Variants in ZFP37 observed in about 807,000 individuals in gnomAD.
The protein encoded by ZFP37 is zinc finger protein 37 homolog.
In ZFP37, 38 loss-of-function variants were observed where a neutral mutation model predicts 52.1. The ratio of observed to expected loss-of-function variants is 0.73; its 90% confidence interval spans 0.56 to 0.96. The LOEUF (loss-of-function observed/expected upper bound fraction) is 0.96. Among genes scored for constraint, ZFP37 ranks in the 40% least tolerant of loss-of-function variants. The pLI is 0.00. For missense variants in ZFP37, 695 were observed against 741.4 expected, an observed-to-expected ratio of 0.94 and a Z score of 0.73; for synonymous variants, 253 against 259.5, an observed-to-expected ratio of 0.98 and a Z score of 0.24.
rs1015893169 is a variant in ZFP37, at chr9:113,039,952, C to T, written c.*2773G>A. 4 of 152,200 alleles carry T rather than the reference C, an allele frequency of 2.6e-5. No homozygotes were observed. The highest frequency in any genetic ancestry group is 9.6e-5 in the African/African-American group (4 of 41,456). 9.4% of individuals were successfully genotyped at this position (152,200 alleles called of 1,614,324 possible). On this transcript the variant is annotated 3_prime_UTR_variant, in exon 4 of 4. Transcript: ENST00000374227. Reference sequence around the variant, plus strand: ...TTAAAATGCAAATTCTCAAGGCCCACCCACAGGGTTTCTGATCCAATATGT... The same window carrying T: ...TTAAAATGCAAATTCTCAAGGCCCATCCACAGGGTTTCTGATCCAATATGT...
intron 3 of ZFP37, among the ~76,000 whole-genome samples, chr9:113,048,563 A>G (rs922470821): frequency 3.3e-5 from 5 of 152,150 alleles, no homozygotes; most frequent in Non-Finnish European, 5.9e-5. Flanking sequence ...GAGCACAGGA[A>G]TAAGGATATG....
intron 3 of ZFP37, among the ~76,000 whole-genome samples, chr9:113,047,936 T>C (rs986299473): frequency 6.6e-6 from 1 of 152,220 alleles, no homozygotes; most frequent in African/African-American, 2.4e-5. Flanking sequence ...GTAGAATAAA[T>C]AGCTTTTATT....
chr9:113,038,718 G>C lies in ZFP37; in HGVS notation c.*4007C>G, dbSNP rs1473284536. 6.6e-6 allele frequency: 1 copy of C among 152,040 alleles called. No homozygotes were observed. The highest frequency in any genetic ancestry group is 2.4e-5 in the African/African-American group (1 of 41,410). The allele number at this position is 152,040 out of a possible 1,614,324, so 9.4% of individuals were successfully genotyped here. Reference sequence around the variant, plus strand: ...GGAGTGCTTAAGCCTGGGAGGTAGAGATTGTAATGAGCCAAGATTGCACTA... The same window carrying C: ...GGAGTGCTTAAGCCTGGGAGGTAGACATTGTAATGAGCCAAGATTGCACTA... On this transcript the variant is annotated 3_prime_UTR_variant, in exon 4 of 4. Coordinates refer to ENST00000374227, the MANE Select transcript of ZFP37 (RefSeq NM_003408.3).
In ZFP37 at chr9:113,043,369, T is replaced by C. The variant is rs1194478993; in HGVS notation, c.1249A>G (p.Asn417Asp). 4 of 1,614,146 alleles carry C rather than the reference T, an allele frequency of 2.5e-6. No individual in the cohort carries two copies. In the Admixed American group the frequency reaches 6.7e-5, roughly 27 times the overall value. ...CTCACATGTTCGGTAAGAGATGAGT[T>C]ATACCTAAAAGACTTCCCACATTCC... Reference protein sequence around the residue: ...CKECGKSFRYNSSLTEHVRTH... With the variant: ...CKECGKSFRYDSSLTEHVRTH... The change falls in exon 4 of 4, where the codon AAC becomes GAC. Residue 417 changes from asparagine (N) to aspartate (D), a missense_variant. This residue lies in a region of ZFP37 where 326 missense variants were observed against 400.5 expected (regional missense o/e 0.81). Coordinates refer to ENST00000374227, the MANE Select transcript of ZFP37 (RefSeq NM_003408.3).
rs1341951800 is a variant in ZFP37 at position 113,042,909 on chromosome 9, T to G, written c.1709A>C (p.Glu570Ala). The change falls in exon 4 of 4, where the codon GAG (glutamate) becomes GCG (alanine). Residue 570 changes from glutamate to alanine, a missense_variant. Physicochemically the swap from Glu to Ala is moderately radical, Grantham distance 107. This residue lies in a region of ZFP37 where 326 missense variants were observed against 400.5 expected (regional missense o/e 0.81). Coordinates refer to ENST00000374227, the MANE Select transcript of ZFP37 (RefSeq NM_003408.3). ...ACATTCGTTACATTCATAAGGTTTCTCCCCAGTATGAGTTCTCTGATGTAC... is the reference window on the plus strand; with the variant it reads ...ACATTCGTTACATTCATAAGGTTTCGCCCCAGTATGAGTTCTCTGATGTAC... Reference protein sequence around the residue: ...LIVHQRTHTGEKPYECNECEK... With the variant: ...LIVHQRTHTGAKPYECNECEK... The G allele has an allele frequency of 3.7e-6, 6 of 1,613,794 alleles. No homozygotes were observed. Among genetic ancestry groups the G allele is most frequent in the Middle Eastern group, 1.6e-4 (1 of 6,068 alleles).
rs774631785 is a variant in ZFP37, at chr9:113,042,914, A to C, written c.1704T>G (p.Thr568=). ...SHLIVHQRTH[T]GEKPYECNEC... Reference sequence around the variant, plus strand: ...CGTTACATTCATAAGGTTTCTCCCCAGTATGAGTTCTCTGATGTACAATGA... The same window carrying C: ...CGTTACATTCATAAGGTTTCTCCCCCGTATGAGTTCTCTGATGTACAATGA... The change falls in exon 4 of 4, where the codon ACT becomes ACG. Residue 568 remains threonine, a synonymous_variant. Coordinates refer to ENST00000374227, the MANE Select transcript of ZFP37 (RefSeq NM_003408.3). 4 of 1,613,892 alleles carry C rather than the reference A, an allele frequency of 2.5e-6. No homozygotes were observed. The highest frequency in any genetic ancestry group is 3.3e-5 in the Admixed American group (2 of 60,010).
chr9:113,047,873 A>G (rs570443815), intron 3 of ZFP37, among the ~76,000 whole-genome samples: 2 of 152,356 alleles, frequency 1.3e-5, no homozygotes, highest in Admixed American at 1.3e-4. Context: ...TAAGTAGGTC[A>G]AATATGAGTA....
intron 1 of ZFP37, among the ~76,000 whole-genome samples, chr9:113,051,208 T>C (rs1047640707): frequency 4.6e-5 from 7 of 152,094 alleles, no homozygotes; most frequent in Non-Finnish European, 1.0e-4. Context: ...CTTGTACAAC[T>C]GTTATGAAAG....
Position 113,039,933 on chromosome 9 carries a change from T to C in ZFP37, c.*2792A>G, listed in dbSNP as rs1165056917. On this transcript the variant is annotated 3_prime_UTR_variant, in exon 4 of 4. Transcript: ENST00000374227. ...GGAATCCACTGGAAACTTATTAAAA[T>C]GCAAATTCTCAAGGCCCACCCACAG... 1 of 152,212 alleles carries C rather than the reference T, an allele frequency of 6.6e-6. No individual in the cohort carries two copies. The highest frequency in any genetic ancestry group is 1.9e-4 in the East Asian group (1 of 5,192). 9.4% of individuals were successfully genotyped at this position (152,212 alleles called of 1,614,324 possible).
Position 113,041,825 on chromosome 9 carries a change from A to G in ZFP37, c.*900T>C, listed in dbSNP as rs1378081993. The G allele has an allele frequency of 1.3e-5, 2 of 152,212 alleles. No homozygotes were observed. Among genetic ancestry groups the G allele is most frequent in the Non-Finnish European group, 2.9e-5 (2 of 68,038 alleles). The allele number at this position is 152,212 out of a possible 1,614,324, so 9.4% of individuals were successfully genotyped here. A position where few individuals can be genotyped will look rare whatever the true frequency, so the allele number is the denominator to read the frequency against. ...AACCTTAAATAATGTTGATTTATGC[A>G]TATTAAAATATTTTAATTATAAAAA... is the stretch of plus-strand genomic sequence containing the variant. On this transcript the variant is annotated 3_prime_UTR_variant, in exon 4 of 4. Transcript: ENST00000374227.
At chr9:113,046,100 G>A (rs1325171237) in intron 3 of ZFP37, among the ~76,000 whole-genome samples, 1 of 151,486 alleles carries the variant, frequency 6.6e-6, no homozygotes, top group Admixed American at 6.6e-5. Flanking sequence ...TAATTCCCAT[G>A]TTGCAGAAGA....
rs1829079161 is a variant in ZFP37, at chr9:113,052,780, G to A, written c.133-2908C>T. Among the ~76,000 whole-genome samples the A allele has an allele frequency of 1.3e-5, 2 of 152,140 alleles. No individual in the cohort carries two copies. Among genetic ancestry groups the A allele is most frequent in the South Asian group, 4.1e-4 (2 of 4,828 alleles). On this transcript the variant is annotated intron_variant, in intron 1 of 3. Transcript: ENST00000374227. The surrounding 1 kb of genome is among the most constrained non-coding windows in gnomAD (Gnocchi z 4.1). ...ATAAACCACACTGTGTATTCTTTAA[G>A]CACTCGGAACTACTCTTAATCAGTT... is the stretch of plus-strand genomic sequence containing the variant.
rs1320619622 is a variant in ZFP37 at position 113,038,799 on chromosome 9, AAAAG to A, written c.*3922_*3925del. 6.6e-6 allele frequency: 1 copy of A among 152,040 alleles called. No homozygotes were observed. Among genetic ancestry groups the A allele is most frequent in the Non-Finnish European group, 1.5e-5 (1 of 68,014 alleles). 9.4% of individuals were successfully genotyped at this position (152,040 alleles called of 1,614,324 possible). ...TTGTCTCAAAACAAAATAAAACAAA[AAAAG>A]AAAGATTCAATTTCCTCAAGCCACC... On this transcript the variant is annotated 3_prime_UTR_variant, in exon 4 of 4. Coordinates refer to ENST00000374227, the MANE Select transcript of ZFP37 (RefSeq NM_003408.3).
At chr9:113,046,161 T>C (rs554451495) in intron 3 of ZFP37, among the ~76,000 whole-genome samples, 7 of 150,006 alleles carry the variant, frequency 4.7e-5, no homozygotes, top group Admixed American at 3.3e-4. Context: ...TAGACAGATA[T>C]ATATCTATAT....
intron 3 of ZFP37, among the ~76,000 whole-genome samples, chr9:113,047,107 TAAAA>T (rs376369021): frequency 8.4e-6 from 1 of 118,572 alleles, no homozygotes; most frequent in African/African-American, 3.2e-5. Flanking sequence ...AGACTCCGTC[TAAAA>T]AAAAAAAAAA....
rs1828808386 is a variant in ZFP37, at chr9:113,039,191, CCAT to C, written c.*3531_*3533del. 1 of 152,072 alleles carries C rather than the reference CCAT, an allele frequency of 6.6e-6. No individual in the cohort carries two copies. Among genetic ancestry groups the C allele is most frequent in the Non-Finnish European group, 1.5e-5 (1 of 68,004 alleles). The allele number at this position is 152,072 out of a possible 1,614,324, so 9.4% of individuals were successfully genotyped here. ...AATAGATTCCTCGATGGACTGCCGACCATCATAAGGCTTTGATGTATACTGTCA... is the reference window on the plus strand; with the variant it reads ...AATAGATTCCTCGATGGACTGCCGACCATAAGGCTTTGATGTATACTGTCA... On this transcript the variant is annotated 3_prime_UTR_variant, in exon 4 of 4. Coordinates refer to ENST00000374227, the MANE Select transcript of ZFP37 (RefSeq NM_003408.3).
rs909686389 is a variant in ZFP37 at position 113,056,431 on chromosome 9, A to G, written c.132+126T>C. On this transcript the variant is annotated intron_variant, in intron 1 of 3. Transcript: ENST00000374227. The stretch of plus-strand genomic sequence containing the variant: ...AGATAACTCAGAACACCGACCTCCC[A>G]AAAGACCATCTAGCATCGATTCCAC... The G allele has an allele frequency of 2.0e-6, 3 of 1,482,126 alleles. No homozygotes were observed. The African/African-American group carries it at 4.2e-5, about 21-fold the overall frequency. The allele number at this position is 1,482,126 out of a possible 1,614,324, so 91.8% of individuals were successfully genotyped here. A position where few individuals can be genotyped will look rare whatever the true frequency, so the allele number is the denominator to read the frequency against.
At chr9:113,055,926 A>G (rs1330782822) in intron 1 of ZFP37, among the ~76,000 whole-genome samples, 1 of 151,932 alleles carries the variant, frequency 6.6e-6, no homozygotes, top group Non-Finnish European at 1.5e-5. Context: ...ATCCCCAATT[A>G]CCTTTTCTCC....
chr9:113,053,404 C>T (rs1829091355), intron 1 of ZFP37, among the ~76,000 whole-genome samples: 1 of 152,182 alleles, frequency 6.6e-6, no homozygotes, highest in Non-Finnish European at 1.5e-5. Flanking sequence ...TTAAATCCAA[C>T]TCTCCTCTTA....
Sources: allele counts gnomAD v4.1 joint callset (sites outside exome capture counted in the v4.1 genomes callset), GRCh38; gene constraint gnomAD v4.1.1; regional missense constraint gnomAD v4.1.1; non-coding constraint Gnocchi (gnomAD v3.1); transcripts MANE v1.5; gene names NCBI Gene and HGNC (gene_info 2026-07-23, HGNC 2026-07-21).